The following DAB1 variants were observed in gnomAD, a reference collection of about 807,000 sequenced individuals.
DAB1 encodes disabled homolog 1.
DAB1 carries 15 observed loss-of-function variants against 64.6 expected under a neutral mutation model. That is an observed-to-expected ratio of 0.23 (90% CI 0.16 to 0.36). The LOEUF (loss-of-function observed/expected upper bound fraction) is 0.36. DAB1 is among the 10% of genes least tolerant of loss of function. DAB1 has a pLI of 1.00. For synonymous variants in DAB1, 235 were observed against 251.9 expected (o/e 0.93, Z 0.64); for missense variants, 596 against 706.7 (o/e 0.84, Z 1.78).
At chr1:57,155,419 G>A (rs780131718) in intron 2 of DAB1, among the ~76,000 whole-genome samples, 2 of 151,686 alleles carry the variant, frequency 1.3e-5, no homozygotes, top group Non-Finnish European at 2.9e-5. Context: ...TGCTGTTTTG[G>A]TTACTATAGC....
chr1:58,242,602 CT>C (rs1660348358), intron 4 of DAB1, among the ~76,000 whole-genome samples: 1 of 152,026 alleles, frequency 6.6e-6, no homozygotes, highest in Non-Finnish European at 1.5e-5. Context: ...TCATTTTATA[CT>C]TTTTCATTTT....
At chr1:57,429,707 G>T (rs1482921137) in intron 7 of DAB1, among the ~76,000 whole-genome samples, 1 of 152,090 alleles carries the variant, frequency 6.6e-6, no homozygotes, top group Non-Finnish European at 1.5e-5. Flanking sequence ...TTTGCTTGTG[G>T]ACATGCAGTT....
intron 6 of DAB1, among the ~76,000 whole-genome samples, chr1:57,665,849 C>G (rs867378988): frequency 7.3e-6 from 1 of 137,174 alleles, no homozygotes; most frequent in African/African-American, 2.7e-5. Context: ...TTTTAATTAT[C>G]TGTGTGTGTG....
chr1:57,658,213 T>A (rs1221240515), intron 6 of DAB1, among the ~76,000 whole-genome samples: 2 of 152,176 alleles, frequency 1.3e-5, no homozygotes, highest in African/African-American at 2.4e-5. Flanking sequence ...TTCCAGAACT[T>A]CTTCTACCCC....
intron 7 of DAB1, among the ~76,000 whole-genome samples, chr1:57,604,906 CCTTA>C (rs1420709285): frequency 6.6e-6 from 1 of 151,976 alleles, no homozygotes; most frequent in Non-Finnish European, 1.5e-5. Flanking sequence ...AGACCTGAGA[CCTTA>C]CTTGAAATAT....
intron 7 of DAB1, among the ~76,000 whole-genome samples, chr1:57,478,848 C>A (rs1164252210): frequency 6.6e-6 from 1 of 151,898 alleles, no homozygotes; most frequent in Admixed American, 6.6e-5. Flanking sequence ...GATCCACCGA[C>A]CTCGGACTCC....
intron 2 of DAB1, among the ~76,000 whole-genome samples, chr1:57,232,437 C>T (rs1180153975): frequency 6.6e-6 from 1 of 152,014 alleles, no homozygotes; most frequent in Non-Finnish European, 1.5e-5. Flanking sequence ...TATGCAACTA[C>T]TACCTGAAGG....
intron 7 of DAB1, among the ~76,000 whole-genome samples, chr1:57,600,492 G>T (rs368940722): frequency 5.3e-5 from 8 of 152,102 alleles, no homozygotes; most frequent in Non-Finnish European, 1.2e-4. Flanking sequence ...TGGGAGCAAG[G>T]GTACCATAGC....
chr1:57,764,595 C>T (rs1232239076), intron 6 of DAB1, among the ~76,000 whole-genome samples: 1 of 152,176 alleles, frequency 6.6e-6, no homozygotes. Context: ...TCCTACCCTT[C>T]CCAGCCTCTA....
chr1:58,426,250 C>G (rs1644821093), intron 3 of DAB1, among the ~76,000 whole-genome samples: 1 of 152,116 alleles, frequency 6.6e-6, no homozygotes, highest in Non-Finnish European at 1.5e-5. Context: ...ATGCCCAGGG[C>G]TCTGTCTACC....
intron 2 of DAB1, among the ~76,000 whole-genome samples, chr1:57,153,425 T>C (rs1294015989): frequency 6.6e-6 from 1 of 152,218 alleles, no homozygotes; most frequent in Non-Finnish European, 1.5e-5. Flanking sequence ...CAGCAGATTA[T>C]CTTGCATAAC....
intron 5 of DAB1, among the ~76,000 whole-genome samples, chr1:58,028,040 G>C (rs1292285600): frequency 6.6e-6 from 1 of 152,096 alleles, no homozygotes; most frequent in Non-Finnish European, 1.5e-5. Context: ...ATTTCTCTGA[G>C]CTTCTGTTTC....
intron 6 of DAB1, among the ~76,000 whole-genome samples, chr1:57,815,035 T>C (rs1415014404): frequency 6.6e-6 from 1 of 152,100 alleles, no homozygotes; most frequent in Non-Finnish European, 1.5e-5. Context: ...ACTACTATTT[T>C]CTTTCTTTCT....
intron 2 of DAB1, among the ~76,000 whole-genome samples, chr1:57,256,097 G>T (rs1489521218): frequency 6.6e-6 from 1 of 152,154 alleles, no homozygotes; most frequent in Non-Finnish European, 1.5e-5. Context: ...ACAATTGCTT[G>T]ATATTATCCC....
chr1:57,471,267 A>G (rs1364135722), intron 7 of DAB1, among the ~76,000 whole-genome samples: 1 of 152,242 alleles, frequency 6.6e-6, no homozygotes, highest in Non-Finnish European at 1.5e-5. Context: ...GATGACAAAA[A>G]TTAGTTGTAA....
intron 6 of DAB1, among the ~76,000 whole-genome samples, chr1:57,810,143 G>A (rs1256931229): frequency 1.3e-5 from 2 of 152,078 alleles, no homozygotes; most frequent in African/African-American, 4.8e-5. Context: ...GAGGGGAGAG[G>A]GAGAAAAAGG....
At chr1:58,384,305 A>G (rs1016616628) in intron 3 of DAB1, among the ~76,000 whole-genome samples, 1 of 152,208 alleles carries the variant, frequency 6.6e-6, no homozygotes, top group African/African-American at 2.4e-5. Flanking sequence ...CAAACACTGC[A>G]AATTTCTCTT....
At chr1:58,367,960 CTT>C (rs1644231586) in intron 3 of DAB1, among the ~76,000 whole-genome samples, 1 of 152,208 alleles carries the variant, frequency 6.6e-6, no homozygotes, top group East Asian at 1.9e-4. Context: ...GCAGTATAGA[CTT>C]TGAACCAATG....
intron 7 of DAB1, among the ~76,000 whole-genome samples, chr1:57,442,549 A>G (rs996220487): frequency 3.3e-5 from 5 of 152,142 alleles, no homozygotes; most frequent in Non-Finnish European, 7.4e-5. Flanking sequence ...TTTACAACCA[A>G]TAGTCACTAA....
Sources: allele counts gnomAD v4.1 joint callset (sites outside exome capture counted in the v4.1 genomes callset), GRCh38; gene constraint gnomAD v4.1.1; transcripts MANE v1.5; gene names NCBI Gene and HGNC (gene_info 2026-07-23, HGNC 2026-07-21).